The following GUCY1A1 variants were observed in gnomAD, a reference collection of about 807,000 sequenced individuals.
GUCY1A1 encodes guanylate cyclase soluble subunit alpha-1.
GUCY1A1 carries 48 observed loss-of-function variants against 64.5 expected under a neutral mutation model. The observed-to-expected ratio is 0.74, with a 90% CI of 0.59 to 0.95. The LOEUF is 0.95. GUCY1A1 is among the 40% of genes least tolerant of loss of function. The pLI is 0.00. For synonymous variants in GUCY1A1, 308 were observed against 303.4 expected (o/e 1.02, Z -0.16); for missense variants, 804 against 825.3 (o/e 0.97, Z 0.32).
intron 9 of GUCY1A1, among the ~76,000 whole-genome samples, chr4:155,723,961 C>G (rs1328531207): frequency 6.6e-6 from 1 of 152,122 alleles, no homozygotes; most frequent in Non-Finnish European, 1.5e-5. Flanking sequence ...TGCACCTGGT[C>G]TTCTCCCTTC....
At chr4:155,705,002 A>C (rs180785176) in intron 4 of GUCY1A1, among the ~76,000 whole-genome samples, 2 of 151,980 alleles carry the variant, frequency 1.3e-5, no homozygotes, top group African/African-American at 4.8e-5. Flanking sequence ...TCCCACATCA[A>C]CCTCTCGAGC....
intron 2 of GUCY1A1, among the ~76,000 whole-genome samples, chr4:155,694,041 T>A (rs576928433): frequency 6.6e-6 from 1 of 152,318 alleles, no homozygotes; most frequent in South Asian, 2.1e-4. Context: ...ACCTATAATC[T>A]TCCATTTCTT....
At position 155,733,667 on chromosome 4, in the gene GUCY1A1, G is replaced by GA. The variant is rs961574926; in HGVS notation, c.*3448dup. On this transcript the variant is annotated 3_prime_UTR_variant, in exon 10 of 10. Coordinates refer to ENST00000506455, the MANE Select transcript of GUCY1A1 (RefSeq NM_001130682.3). ...CTTGTTCAAAATAGATTTTACAAAA[G>GA]AAAAAAAAAAAAGAAGCAACATGAG... Among the ~76,000 whole-genome samples, 103 of 131,730 alleles carry GA rather than the reference G, an allele frequency of 7.8e-4. No individual in the cohort carries two copies. Among genetic ancestry groups the GA allele is most frequent in the Middle Eastern group, 4.0e-3 (1 of 250 alleles). 86.4% of individuals were successfully genotyped at this position (131,730 alleles called of 152,430 possible).
At chr4:155,694,944 T>C (rs1730226872) in intron 2 of GUCY1A1, among the ~76,000 whole-genome samples, 1 of 152,186 alleles carries the variant, frequency 6.6e-6, no homozygotes, top group African/African-American at 2.4e-5. Context: ...AAGTAATCAT[T>C]CCCCCTATAG....
In GUCY1A1 at chr4:155,731,271, A is replaced by C. The variant is rs1480066649; in HGVS notation, c.*1040A>C. On this transcript the variant is annotated 3_prime_UTR_variant, in exon 10 of 10. Coordinates refer to ENST00000506455, the MANE Select transcript of GUCY1A1 (RefSeq NM_001130682.3). ...AGAAAATCTAAGTATGGAAGTAGAA[A>C]ATAAGACTTGTTCTTTTGGTGGATA... is the stretch of plus-strand genomic sequence containing the variant. 6.6e-6 allele frequency: 1 copy of C among 151,894 alleles called. No individual in the cohort carries two copies. The highest frequency in any genetic ancestry group is 2.4e-5 in the African/African-American group (1 of 41,426). The allele number at this position is 151,894 out of a possible 1,614,324, so 9.4% of individuals were successfully genotyped here.
intron 7 of GUCY1A1, 61 bp downstream of exon 7, chr4:155,713,644 T>G (rs1310025501): frequency 2.0e-5 from 31 of 1,559,068 alleles, no homozygotes; most frequent in Non-Finnish European, 2.6e-5. Context: ...ACAAGCACTG[T>G]GCCTAGGACC....
intron 2 of GUCY1A1, among the ~76,000 whole-genome samples, chr4:155,692,247 A>G (rs1729845459): frequency 6.6e-6 from 1 of 152,164 alleles, no homozygotes; most frequent in African/African-American, 2.4e-5. Context: ...TAGTGTTCCA[A>G]CAAACATACG....
At chr4:155,674,995 A>G (rs950708443) in intron 2 of GUCY1A1, among the ~76,000 whole-genome samples, 2 of 151,532 alleles carry the variant, frequency 1.3e-5, no homozygotes, top group Admixed American at 1.3e-4. Flanking sequence ...GCATTGTGCT[A>G]TGACATTACA....
At chr4:155,685,091 C>T (rs897210032) in intron 2 of GUCY1A1, among the ~76,000 whole-genome samples, 4 of 152,148 alleles carry the variant, frequency 2.6e-5, no homozygotes, top group African/African-American at 9.7e-5. Flanking sequence ...GGGTTCATTT[C>T]CTGTTTCTGC....
intron 9 of GUCY1A1, among the ~76,000 whole-genome samples, chr4:155,729,008 T>A (rs921022061): frequency 2.0e-5 from 3 of 151,914 alleles, no homozygotes; most frequent in Non-Finnish European, 4.4e-5. Context: ...TATTTATTGA[T>A]GTACTGATGA....
chr4:155,708,515 G>C (rs1732109764), intron 5 of GUCY1A1, among the ~76,000 whole-genome samples: 1 of 152,110 alleles, frequency 6.6e-6, no homozygotes, highest in African/African-American at 2.4e-5. Context: ...AGTAGATAAG[G>C]CTAGATGGGA....
In GUCY1A1 at chr4:155,734,821, A is replaced by T. The variant is rs1735904448; in HGVS notation, c.*4590A>T. 1 of 151,904 alleles carries T rather than the reference A, an allele frequency of 6.6e-6. No homozygotes were observed. Among genetic ancestry groups the T allele is most frequent in the African/African-American group, 2.4e-5 (1 of 41,394 alleles). The allele number at this position is 151,904 out of a possible 1,614,324, so 9.4% of individuals were successfully genotyped here. A position where few individuals can be genotyped will look rare whatever the true frequency, so the allele number is the denominator to read the frequency against. On this transcript the variant is annotated 3_prime_UTR_variant, in exon 10 of 10. Transcript: ENST00000506455. ...AACCAAAATGTCATTTTCAACCAAAATTGAGTGTTAGAGTTTATGGTCTCT... is the reference window on the plus strand; with the variant it reads ...AACCAAAATGTCATTTTCAACCAAATTTGAGTGTTAGAGTTTATGGTCTCT...
chr4:155,708,449 C>T (rs1339287185), intron 5 of GUCY1A1, among the ~76,000 whole-genome samples, 155 bp downstream of exon 5: 2 of 152,032 alleles, frequency 1.3e-5, no homozygotes, highest in Non-Finnish European at 2.9e-5. Context: ...CTTTTTGATA[C>T]TATATGTTTT....
At chr4:155,671,088 G>A (rs938867361) in intron 2 of GUCY1A1, among the ~76,000 whole-genome samples, 1 of 152,116 alleles carries the variant, frequency 6.6e-6, no homozygotes, top group Non-Finnish European at 1.5e-5. Context: ...TGCATAGTAG[G>A]TGTCTAAAGA....
At chr4:155,688,199 G>A (rs1263417295) in intron 2 of GUCY1A1, among the ~76,000 whole-genome samples, 1 of 151,768 alleles carries the variant, frequency 6.6e-6, no homozygotes, top group African/African-American at 2.4e-5. Flanking sequence ...CTGCACTCCA[G>A]CCTGGGCGAC....
In GUCY1A1 at chr4:155,731,689, A is replaced by T. The variant is rs1735567510; in HGVS notation, c.*1458A>T. 6.6e-6 allele frequency: 1 copy of T among 151,850 alleles called. No individual in the cohort carries two copies. Among genetic ancestry groups the T allele is most frequent in the African/African-American group, 2.4e-5 (1 of 41,416 alleles). The allele number at this position is 151,850 out of a possible 1,614,324, so 9.4% of individuals were successfully genotyped here. On this transcript the variant is annotated 3_prime_UTR_variant, in exon 10 of 10. Transcript: ENST00000506455. ...TGAACGTTATAGTTTTAAAATCAAT[A>T]TTAGCAGAGCCATAGATAGGCTGAG...
chr4:155,724,205 C>T (rs973860572), intron 9 of GUCY1A1, among the ~76,000 whole-genome samples: 2 of 152,098 alleles, frequency 1.3e-5, no homozygotes, highest in East Asian at 1.9e-4. Context: ...TTTCCTCTCA[C>T]CTTCTCAATA....
In GUCY1A1 at chr4:155,710,695, A is replaced by C; in HGVS notation, c.530A>C (p.Gln177Pro). 1.9e-6 allele frequency: 3 copies of C among 1,614,128 alleles called. No individual in the cohort carries two copies. Among genetic ancestry groups the C allele is most frequent in the Non-Finnish European group, 2.5e-6 (3 of 1,180,004 alleles). ...CTTCTGAAACAGAGCAGCCATTGCC[A>C]AGAAGCAGGAAAAAGGGGCAGGCTT... ...STLLKQSSHCQEAGKRGRLED... is the reference protein window; with the variant it reads ...STLLKQSSHCPEAGKRGRLED... The change falls in exon 6 of 10, where the codon CAA (glutamine) becomes CCA (proline). Residue 177 changes from glutamine (Q) to proline (P), a missense_variant. Transcript: ENST00000506455.
rs145522455 is a variant in GUCY1A1, at chr4:155,672,785, C to T, written c.-113+5366C>T. On this transcript the variant is annotated intron_variant, in intron 2 of 9. Transcript: ENST00000506455. ...TGAGGCAATGGTTGGACTCTGTCAA[C>T]ACTTCTCTTCATCACAATATTTTTA... 9.3e-3 allele frequency among the ~76,000 whole-genome samples: 1,409 copies of T among 152,290 alleles called. 12 individuals carry two copies. The highest frequency in any genetic ancestry group is 0.014 in the Non-Finnish European group (963 of 68,026).
Sources: gnomAD v4.1 joint callset for allele counts (sites outside exome capture counted in the v4.1 genomes callset) on GRCh38, gnomAD v4.1.1 for gene constraint, MANE v1.5 for transcripts, NCBI Gene and HGNC (gene_info 2026-07-23, HGNC 2026-07-21) for gene names.